The following BTAF1 variants were observed in gnomAD, a reference collection of about 807,000 sequenced individuals.
BTAF1 encodes B-TFIID TATA-box binding protein associated factor 1.
In BTAF1, 38 loss-of-function variants were observed where a neutral mutation model predicts 227.1. That is an observed-to-expected ratio of 0.17 (90% CI 0.13 to 0.22). BTAF1 has a LOEUF of 0.22. BTAF1 is among the 10% of genes least tolerant of loss of function. The pLI is 1.00. For synonymous variants in BTAF1, 742 were observed against 751.9 expected (o/e 0.99, Z 0.21); for missense variants, 1,598 against 2,204.0 (o/e 0.73, Z 5.51).
chr10:91,942,330 G>GTGTT, intron 3 of BTAF1, 92 bp from the exon 4 acceptor site: 1 of 881,040 alleles, frequency 1.1e-6, no homozygotes, highest in Non-Finnish European at 1.7e-6. Flanking sequence ...GTGTGTGTGT[G>GTGTT]TAACCCATGC....
At chr10:91,959,738 G>GTATATA (rs1421248732) in intron 9 of BTAF1, 47 bp from the exon 10 acceptor site, 2 of 370,110 alleles carry the variant, frequency 5.4e-6, no homozygotes, top group African/African-American at 3.8e-5. Context: ...GTGTGTGTGT[G>GTATATA]TGTATATATA....
At chr10:91,967,893 G>C (rs540786355) in intron 14 of BTAF1, among the ~76,000 whole-genome samples, 1 of 151,902 alleles carries the variant, frequency 6.6e-6, no homozygotes, top group African/African-American at 2.4e-5. Context: ...ATTTTTAATA[G>C]CAGTTTTAGA....
chr10:91,948,682 C>T (rs928289956), intron 4 of BTAF1, among the ~76,000 whole-genome samples: 4 of 147,248 alleles, frequency 2.7e-5, no homozygotes, highest in African/African-American at 7.4e-5. Flanking sequence ...ATGCCTGCCC[C>T]AGAACTTCTT....
At chr10:91,953,507 A>C (rs1427424406) in intron 5 of BTAF1, among the ~76,000 whole-genome samples, 1 of 152,216 alleles carries the variant, frequency 6.6e-6, no homozygotes, top group Admixed American at 6.5e-5. Flanking sequence ...GCATAAAAAA[A>C]GTTAAGAAGC....
chr10:92,002,664 A>G lies in BTAF1; in HGVS notation c.3660+4913A>G, dbSNP rs144196231. 7.4e-3 allele frequency among the ~76,000 whole-genome samples: 1,126 copies of G among 152,270 alleles called. 14 individuals are homozygous for G. Among genetic ancestry groups the G allele is most frequent in the South Asian group, 0.041 (197 of 4,814 alleles). On this transcript the variant is annotated intron_variant, in intron 25 of 37. Transcript: ENST00000265990. ...TCTCTTAGCAGATAAAGTTAATTCC[A>G]ATACCTTTGAAAATAGACTCAATCT...
chr10:92,012,156 T>C (rs1413419046), intron 30 of BTAF1, among the ~76,000 whole-genome samples: 1 of 4,832 alleles, frequency 2.1e-4, no homozygotes, highest in Non-Finnish European at 3.3e-4. Context: ...TCCCCTGCTC[T>C]CCTCCCCTCT....
chr10:91,984,202 A>G lies in BTAF1; in HGVS notation c.2225A>G (p.Glu742Gly). The change falls in exon 19 of 38, where the codon GAG (glutamate) becomes GGG (glycine). Residue 742 changes from glutamate to glycine, a missense_variant and splice_region_variant. Physicochemically the swap from Glu to Gly is moderately conservative, Grantham distance 98. This residue lies in a region of BTAF1 where 318 missense variants were observed against 435.0 expected (regional missense o/e 0.73). Transcript: ENST00000265990. ...VICEWAALQK[E>G]CKAVTLAVQP... ...TATTTGTTTTCTGTTGTATTTTAGG[A>G]GTGTAAAGCTGTTACCTTAGCTGTG... 1.2e-6 allele frequency: 2 copies of G among 1,612,816 alleles called. No individual in the cohort carries two copies. The highest frequency in any genetic ancestry group is 1.7e-6 in the Non-Finnish European group (2 of 1,179,368).
chr10:91,958,922 GA>G (rs1444581237), intron 8 of BTAF1, 142 bp from the exon 9 acceptor site: 2 of 709,668 alleles, frequency 2.8e-6, no homozygotes, highest in Admixed American at 5.9e-5. Flanking sequence ...TTAGATAGTT[GA>G]AGAAAAATAC....
chr10:92,007,210 CTTTTTTTTTTTTTT>C (rs969389265), intron 25 of BTAF1, among the ~76,000 whole-genome samples: 2 of 61,268 alleles, frequency 3.3e-5, no homozygotes, highest in Non-Finnish European at 6.6e-5. Flanking sequence ...TATTTTTTGT[CTTTTTTTTTTTTTT>C]TTTTTTTTTT....
At chr10:92,023,582 G>A (rs1851289027) in intron 34 of BTAF1, among the ~76,000 whole-genome samples, 2 of 152,166 alleles carry the variant, frequency 1.3e-5, no homozygotes, top group Admixed American at 1.3e-4. Context: ...TACTCAGGAG[G>A]CTGAAGCAGG....
chr10:92,011,647 CT>C (rs1850297639), intron 30 of BTAF1, among the ~76,000 whole-genome samples: 1 of 152,018 alleles, frequency 6.6e-6, no homozygotes, highest in East Asian at 1.9e-4. Context: ...AAATAGAAAT[CT>C]TGTGTCAAAA....
At chr10:92,003,440 A>G (rs11186791) in intron 25 of BTAF1, among the ~76,000 whole-genome samples, 58 of 152,274 alleles carry the variant, frequency 3.8e-4, no homozygotes, top group East Asian at 1.9e-3. Context: ...AGTAACCACT[A>G]TTCTACTCTG....
At chr10:91,981,514 A>T in intron 15 of BTAF1, 129 bp from the exon 16 acceptor site, 1 of 983,890 alleles carries the variant, frequency 1.0e-6, no homozygotes, top group South Asian at 2.6e-5. Context: ...ATAAGCCTCT[A>T]TATTGAATTT....
chr10:92,004,118 T>C (rs1437213101), intron 25 of BTAF1, among the ~76,000 whole-genome samples: 1 of 152,198 alleles, frequency 6.6e-6, no homozygotes, highest in Non-Finnish European at 1.5e-5. Flanking sequence ...CTTTTATATT[T>C]TAGATACTAA....
chr10:91,987,263 C>T (rs1348040303), intron 19 of BTAF1, among the ~76,000 whole-genome samples: 1 of 152,052 alleles, frequency 6.6e-6, no homozygotes, highest in Non-Finnish European at 1.5e-5. Context: ...GTGGGTGGAT[C>T]ATGAGGTCAG....
At chr10:91,998,597 A>G (rs1199614694) in intron 25 of BTAF1, among the ~76,000 whole-genome samples, 1 of 152,240 alleles carries the variant, frequency 6.6e-6, no homozygotes, top group Non-Finnish European at 1.5e-5. Context: ...AGAGCCAGGA[A>G]TAATTCAGGA....
At chr10:91,954,465 T>C (rs1474776796) in intron 6 of BTAF1, among the ~76,000 whole-genome samples, 1 of 152,150 alleles carries the variant, frequency 6.6e-6, no homozygotes, top group Non-Finnish European at 1.5e-5. Context: ...TGATCATCTA[T>C]GCATGGCTTG....
At chr10:91,978,289 A>G (rs1224679333) in intron 14 of BTAF1, among the ~76,000 whole-genome samples, 1 of 152,168 alleles carries the variant, frequency 6.6e-6, no homozygotes, top group African/African-American at 2.4e-5. Flanking sequence ...TATAGGGGGA[A>G]AATCTTCCTC....
At chr10:91,985,979 CA>C (rs1183363958) in intron 19 of BTAF1, among the ~76,000 whole-genome samples, 1 of 149,904 alleles carries the variant, frequency 6.7e-6, no homozygotes, top group Non-Finnish European at 1.5e-5. Flanking sequence ...TCTAATTTAT[CA>C]GTTGTTTTCT....
Sources: gnomAD v4.1 joint callset for allele counts (sites outside exome capture counted in the v4.1 genomes callset) on GRCh38, gnomAD v4.1.1 for gene constraint, gnomAD v4.1.1 regional missense constraint, MANE v1.5 for transcripts, NCBI Gene and HGNC (gene_info 2026-07-23, HGNC 2026-07-21) for gene names.